FBXO11: variants seen among roughly 807,000 people sequenced by gnomAD.
FBXO11 encodes the protein F-box protein 11.
Under a neutral mutation model 117.0 loss-of-function variants are expected in FBXO11, and 13 were observed. The ratio of observed to expected loss-of-function variants is 0.11; its 90% confidence interval spans 0.07 to 0.18. FBXO11 has a LOEUF of 0.18. Among genes scored for constraint, FBXO11 ranks in the 10% least tolerant of loss-of-function variants. The pLI, the probability that FBXO11 is intolerant of heterozygous loss-of-function variation, is 1.00. For synonymous variants in FBXO11, 490 were observed against 380.5 expected (o/e 1.29, Z -3.35); for missense variants, 767 against 1,164.4 (o/e 0.66, Z 4.97).
intron 1 of FBXO11, among the ~76,000 whole-genome samples, chr2:47,870,688 G>A (rs78854909): frequency 1.3e-5 from 2 of 152,188 alleles, no homozygotes; most frequent in Admixed American, 1.3e-4. Context: ...AGAAGTGTAA[G>A]AGAATAAATT....
chr2:47,874,660 G>A (rs1262332745), intron 1 of FBXO11, among the ~76,000 whole-genome samples: 2 of 151,964 alleles, frequency 1.3e-5, no homozygotes, highest in Non-Finnish European at 2.9e-5. Context: ...TCAGCCTCCT[G>A]AGTAGCTGGG....
At chr2:47,840,493 C>T (rs980136913) in intron 1 of FBXO11, among the ~76,000 whole-genome samples, 4 of 149,972 alleles carry the variant, frequency 2.7e-5, no homozygotes. Context: ...TTCTGTCACC[C>T]AGGCTGGAGT....
intron 1 of FBXO11, among the ~76,000 whole-genome samples, chr2:47,884,197 T>C (rs575892646): frequency 6.6e-6 from 1 of 152,274 alleles, no homozygotes; most frequent in African/African-American, 2.4e-5. Flanking sequence ...CCAGCCTGGG[T>C]GACAGAGCAA....
At chr2:47,809,559 C>T in intron 20 of FBXO11, 41 bp downstream of exon 20, 2 of 1,363,914 alleles carry the variant, frequency 1.5e-6, no homozygotes, top group East Asian at 2.3e-5. Context: ...TCTTTCATGG[C>T]ATATTGCATA....
chr2:47,813,427 T>TTTTTTTTTAA, intron 17 of FBXO11, 50 bp from the exon 18 acceptor site: 1 of 636,512 alleles, frequency 1.6e-6, no homozygotes. Context: ...TCTTTTTAAT[T>TTTTTTTTTAA]TTTTTTTTTT....
At chr2:47,900,496 G>C (rs546305088) in intron 1 of FBXO11, among the ~76,000 whole-genome samples, 1 of 151,460 alleles carries the variant, frequency 6.6e-6, no homozygotes, top group Non-Finnish European at 1.5e-5. Flanking sequence ...CCTGGCTGCT[G>C]CATATTATAA....
chr2:47,811,911 C>T (rs978065705), intron 18 of FBXO11, among the ~76,000 whole-genome samples: 1 of 152,144 alleles, frequency 6.6e-6, no homozygotes, highest in Non-Finnish European at 1.5e-5. Flanking sequence ...CCAGTTGGTT[C>T]TGTCCTTTTA....
At chr2:47,878,418 C>T (rs1676171992) in intron 1 of FBXO11, among the ~76,000 whole-genome samples, 1 of 151,890 alleles carries the variant, frequency 6.6e-6, no homozygotes, top group Admixed American at 6.6e-5. Flanking sequence ...AGTGCAGTAG[C>T]ACGATCTCAG....
chr2:47,895,745 T>G (rs961497355), intron 1 of FBXO11, among the ~76,000 whole-genome samples: 1 of 152,150 alleles, frequency 6.6e-6, no homozygotes, highest in Non-Finnish European at 1.5e-5. Flanking sequence ...CAGGCTGGAG[T>G]GCAGTGGCAT....
chr2:47,854,863 G>GT (rs62781561), intron 1 of FBXO11, among the ~76,000 whole-genome samples: 19 of 143,246 alleles, frequency 1.3e-4, no homozygotes, highest in African/African-American at 3.8e-4. Flanking sequence ...TTTTTTTTTT[G>GT]TTTTTTTTTT....
At chr2:47,868,974 A>T (rs1675407114) in intron 1 of FBXO11, among the ~76,000 whole-genome samples, 1 of 152,248 alleles carries the variant, frequency 6.6e-6, no homozygotes, top group Non-Finnish European at 1.5e-5. Context: ...AGCATCCTGA[A>T]GCAGCTGGCT....
At chr2:47,881,079 C>G (rs1676395244) in intron 1 of FBXO11, among the ~76,000 whole-genome samples, 1 of 152,134 alleles carries the variant, frequency 6.6e-6, no homozygotes, top group Non-Finnish European at 1.5e-5. Flanking sequence ...ATGGTGAAAC[C>G]CGTCTCTACT....
chr2:47,886,165 T>TAA lies in FBXO11; in HGVS notation c.232+19322_232+19323dup, dbSNP rs558384116. 1.5e-3 allele frequency among the ~76,000 whole-genome samples: 222 copies of TAA among 152,250 alleles called. 1 individual carries two copies. Among genetic ancestry groups the TAA allele is most frequent in the African/African-American group, 5.1e-3 (213 of 41,548 alleles). ...TTAAAATATATTAATTATAATTCAA[T>TAA]AAAGCTTAAAAACAGAAAAACCCTT... On this transcript the variant is annotated intron_variant, in intron 1 of 22. Coordinates refer to ENST00000403359, the MANE Select transcript of FBXO11 (RefSeq NM_001190274.2).
At chr2:47,895,267 G>C (rs1193916837) in intron 1 of FBXO11, among the ~76,000 whole-genome samples, 2 of 152,152 alleles carry the variant, frequency 1.3e-5, no homozygotes, top group Non-Finnish European at 2.9e-5. Flanking sequence ...ATCAACTGTA[G>C]AATGGATAAA....
chr2:47,856,360 G>C (rs1674293811), intron 1 of FBXO11, among the ~76,000 whole-genome samples: 1 of 152,138 alleles, frequency 6.6e-6, no homozygotes, highest in Non-Finnish European at 1.5e-5. Context: ...CACCAAAAGA[G>C]GAAGACACGG....
In FBXO11 at chr2:47,905,628, CGGCTGCTGCGGG is replaced by C. The variant is rs1277550558; in HGVS notation, c.81_92del (p.Gln29_Pro32del). 7.6e-5 allele frequency: 106 copies of C among 1,389,622 alleles called. No homozygotes were observed. In the Middle Eastern group the frequency reaches 7.8e-4, roughly 10 times the overall value. 86.1% of individuals were successfully genotyped at this position (1,389,622 alleles called of 1,614,324 possible). A position where few individuals can be genotyped will look rare whatever the true frequency, so the allele number is the denominator to read the frequency against. On this transcript the variant is annotated inframe_deletion, in exon 1 of 23. Transcript: ENST00000403359. ...GCTGCTGCTGGGGCGGCTGCGGCGG[CGGCTGCTGCGGG>C]GGCTGCTGCTGCTGTTGCTGCACCG...
chr2:47,885,728 C>T (rs1175401836), intron 1 of FBXO11, among the ~76,000 whole-genome samples: 1 of 152,092 alleles, frequency 6.6e-6, no homozygotes, highest in Non-Finnish European at 1.5e-5. Context: ...CCTCTTCCCC[C>T]CACCAAAAAA....
At chr2:47,884,200 C>T (rs1572901880) in intron 1 of FBXO11, among the ~76,000 whole-genome samples, 1 of 152,220 alleles carries the variant, frequency 6.6e-6, no homozygotes, top group Middle Eastern at 3.4e-3. Context: ...GCCTGGGTGA[C>T]AGAGCAAGAC....
intron 1 of FBXO11, among the ~76,000 whole-genome samples, chr2:47,889,435 G>A (rs1339630243): frequency 1.3e-5 from 2 of 152,070 alleles, no homozygotes; most frequent in African/African-American, 4.8e-5. Context: ...GCTTTCTCAG[G>A]AAAACACTTG....
Sources: gnomAD v4.1 joint callset for allele counts (sites outside exome capture counted in the v4.1 genomes callset) on GRCh38, gnomAD v4.1.1 for gene constraint, MANE v1.5 for transcripts, NCBI Gene and HGNC (gene_info 2026-07-23, HGNC 2026-07-21) for gene names.